EPC1: variants seen among roughly 807,000 people sequenced by gnomAD.
The protein encoded by EPC1 is enhancer of polycomb homolog 1.
A neutral mutation model predicts 98.4 loss-of-function variants in EPC1; 12 were observed. The observed-to-expected ratio is 0.12, with a 90% CI of 0.08 to 0.20. The LOEUF (loss-of-function observed/expected upper bound fraction) is 0.20, where lower values mean the gene tolerates loss of function less well. EPC1 is among the 10% of genes least tolerant of loss of function. EPC1 has a pLI of 1.00. For missense variants in EPC1, 729 were observed against 990.5 expected, an observed-to-expected ratio of 0.74 and a Z score of 3.54; for synonymous variants, 357 against 363.9, an observed-to-expected ratio of 0.98 and a Z score of 0.21.
chr10:32,372,766 A>G (rs12250823), intron 1 of EPC1, among the ~76,000 whole-genome samples: 7,741 of 152,322 alleles, frequency 0.051, 649 homozygotes, highest in African/African-American at 0.17. Flanking sequence ...CCATGCCTGT[A>G]ATCCCAGCAC....
Position 32,268,087 on chromosome 10 carries a change from G to A in EPC1, c.*976C>T, listed in dbSNP as rs912924942. ...CATTCTTCTCCCTTATATCCTTTTCGTAAGAACAAGTAAAGAATGAAGTCT... is the reference window on the plus strand; with the variant it reads ...CATTCTTCTCCCTTATATCCTTTTCATAAGAACAAGTAAAGAATGAAGTCT... On this transcript the variant is annotated 3_prime_UTR_variant, in exon 14 of 14. Coordinates refer to ENST00000319778, the MANE Select transcript of EPC1 (RefSeq NM_001272004.3). 2 of 152,066 alleles carry A rather than the reference G, an allele frequency of 1.3e-5. No individual in the cohort carries two copies. Among genetic ancestry groups the A allele is most frequent in the Non-Finnish European group, 1.5e-5 (1 of 68,030 alleles). The allele number at this position is 152,066 out of a possible 1,614,324, so 9.4% of individuals were successfully genotyped here. A position where few individuals can be genotyped will look rare whatever the true frequency, so the allele number is the denominator to read the frequency against.
At chr10:32,304,685 C>T (rs994601987) in intron 2 of EPC1, among the ~76,000 whole-genome samples, 6 of 151,928 alleles carry the variant, frequency 3.9e-5, no homozygotes, top group African/African-American at 7.3e-5. Flanking sequence ...TTTGGGAGGC[C>T]GAGGCGGGCG....
chr10:32,359,847 T>A (rs1839386903), intron 1 of EPC1, among the ~76,000 whole-genome samples: 1 of 152,246 alleles, frequency 6.6e-6, no homozygotes, highest in Non-Finnish European at 1.5e-5. Flanking sequence ...TTTTGTTTTG[T>A]TTCCATTTAG....
At chr10:32,307,520 A>G (rs1343179496) in intron 1 of EPC1, among the ~76,000 whole-genome samples, 1 of 152,134 alleles carries the variant, frequency 6.6e-6, no homozygotes, top group South Asian at 2.1e-4. Context: ...CTCATTTTCA[A>G]AAGTGTTGCA....
At chr10:32,359,949 T>C (rs559943193) in intron 1 of EPC1, among the ~76,000 whole-genome samples, 1 of 152,294 alleles carries the variant, frequency 6.6e-6, no homozygotes, top group East Asian at 1.9e-4. Flanking sequence ...TATGTTTGTA[T>C]CAGTAATTTT....
intron 1 of EPC1, among the ~76,000 whole-genome samples, chr10:32,310,864 A>G (rs1836171164): frequency 6.6e-6 from 1 of 151,838 alleles, no homozygotes; most frequent in Non-Finnish European, 1.5e-5. Flanking sequence ...ACAGAGCAAG[A>G]CTCTGTCTCA....
intron 10 of EPC1, among the ~76,000 whole-genome samples, chr10:32,275,208 A>C (rs1836019304): frequency 6.6e-6 from 1 of 152,248 alleles, no homozygotes; most frequent in Non-Finnish European, 1.5e-5. Context: ...TCAATAGCTA[A>C]TTAGAAATCA....
chr10:32,321,263 G>A (rs1836895295), intron 1 of EPC1, among the ~76,000 whole-genome samples: 1 of 152,146 alleles, frequency 6.6e-6, no homozygotes. Context: ...GTTGAGTAGT[G>A]ATGACACAGA....
intron 1 of EPC1, among the ~76,000 whole-genome samples, chr10:32,315,432 G>A (rs1377278448): frequency 6.6e-6 from 1 of 152,056 alleles, no homozygotes; most frequent in Non-Finnish European, 1.5e-5. Context: ...AGCAAATAAT[G>A]ATCATACCAC....
intron 1 of EPC1, among the ~76,000 whole-genome samples, chr10:32,321,555 T>A (rs74128056): frequency 0.02 from 3,041 of 151,982 alleles, 108 homozygotes; most frequent in African/African-American, 0.07. Flanking sequence ...AGACTAGTTG[T>A]GGTAAGGTAG....
At position 32,278,496 on chromosome 10, in the gene EPC1, C is replaced by T. The variant is rs369147774; in HGVS notation, c.1745-5215G>A. On this transcript the variant is annotated intron_variant, in intron 10 of 13. Coordinates refer to ENST00000319778, the MANE Select transcript of EPC1 (RefSeq NM_001272004.3). ...TCCCGGGTTCACGCCATTCTCCTGC[C>T]TCAGCCTCCCAAGTAGCTGGGACTA... 1.4e-4 allele frequency among the ~76,000 whole-genome samples: 19 copies of T among 140,740 alleles called. No homozygotes were observed. The East Asian group carries it at 2.5e-3, about 19-fold the overall frequency. The allele number at this position is 140,740 out of a possible 152,430, so 92.3% of individuals were successfully genotyped here. A position where few individuals can be genotyped will look rare whatever the true frequency, so the allele number is the denominator to read the frequency against.
At chr10:32,353,932 C>T (rs1242659059) in intron 1 of EPC1, among the ~76,000 whole-genome samples, 1 of 152,140 alleles carries the variant, frequency 6.6e-6, no homozygotes, top group African/African-American at 2.4e-5. Flanking sequence ...TAAACAAACA[C>T]TGGAAGCCCT....
chr10:32,315,625 G>C (rs564566404), intron 1 of EPC1, among the ~76,000 whole-genome samples: 3 of 152,286 alleles, frequency 2.0e-5, no homozygotes, highest in East Asian at 3.9e-4. Context: ...AGACTCCATT[G>C]CTAGTTGAAC....
At chr10:32,332,470 T>C (rs532439080) in intron 1 of EPC1, among the ~76,000 whole-genome samples, 4 of 152,322 alleles carry the variant, frequency 2.6e-5, no homozygotes, top group South Asian at 4.1e-4. Context: ...GCAGAAGTGA[T>C]AGTACGTCAC....
intron 2 of EPC1, among the ~76,000 whole-genome samples, chr10:32,295,474 T>C (rs146178308): frequency 1.3e-5 from 2 of 152,306 alleles, no homozygotes; most frequent in Non-Finnish European, 2.9e-5. Flanking sequence ...AATAAGTAAG[T>C]ATTCAGACTA....
chr10:32,364,785 C>T (rs1161596365), intron 1 of EPC1, among the ~76,000 whole-genome samples: 2 of 152,176 alleles, frequency 1.3e-5, no homozygotes, highest in East Asian at 1.9e-4. Flanking sequence ...ATTTATCAAG[C>T]TCGTCCAACC....
chr10:32,296,724 C>T (rs12252276), intron 2 of EPC1, among the ~76,000 whole-genome samples: 2,949 of 152,134 alleles, frequency 0.019, 93 homozygotes, highest in African/African-American at 0.066. Flanking sequence ...CTGGCCAACA[C>T]GGTGAAACCC....
chr10:32,344,988 C>CT (rs1392746159), intron 1 of EPC1: 1 of 286,072 alleles, frequency 3.5e-6, no homozygotes. Context: ...AGGCTTTCCC[C>CT]TTCCTTGGCT....
intron 1 of EPC1, among the ~76,000 whole-genome samples, chr10:32,363,405 G>A (rs1448416971): frequency 2.0e-5 from 3 of 152,076 alleles, no homozygotes; most frequent in Non-Finnish European, 4.4e-5. Context: ...GAAAGAGTAA[G>A]GAATAATTTT....
Sources: gnomAD v4.1 joint callset for allele counts (sites outside exome capture counted in the v4.1 genomes callset) on GRCh38, gnomAD v4.1.1 for gene constraint, MANE v1.5 for transcripts, NCBI Gene and HGNC (gene_info 2026-07-23, HGNC 2026-07-21) for gene names.